Variants in KCNIP4 observed in about 807,000 individuals in gnomAD.
KCNIP4 encodes potassium voltage-gated channel interacting protein 4.
KCNIP4 carries 12 observed loss-of-function variants against 34.0 expected under a neutral mutation model. That is an observed-to-expected ratio of 0.35 (90% CI 0.23 to 0.57). The LOEUF (loss-of-function observed/expected upper bound fraction) is 0.57. KCNIP4 is among the 20% of genes least tolerant of loss of function. The pLI is 0.83. For missense variants in KCNIP4, 238 were observed against 311.7 expected, an observed-to-expected ratio of 0.76 and a Z score of 1.78; for synonymous variants, 124 against 102.2, an observed-to-expected ratio of 1.21 and a Z score of -1.29.
intron 1 of KCNIP4, among the ~76,000 whole-genome samples, chr4:21,539,633 T>C (rs1344129650): frequency 2.0e-5 from 3 of 152,068 alleles, no homozygotes; most frequent in African/African-American, 7.2e-5. Context: ...ATTTACTGAG[T>C]TCCCCTTCCA....
chr4:21,381,355 G>C (rs1721486741), intron 1 of KCNIP4, among the ~76,000 whole-genome samples: 2 of 152,152 alleles, frequency 1.3e-5, no homozygotes, highest in Admixed American at 6.6e-5. Context: ...TAGTAGATTT[G>C]TAATGATTAG....
At chr4:21,236,270 T>C (rs1182402648) in intron 1 of KCNIP4, among the ~76,000 whole-genome samples, 1 of 152,182 alleles carries the variant, frequency 6.6e-6, no homozygotes, top group East Asian at 1.9e-4. Context: ...TAGGCATATA[T>C]AAATAATATA....
At chr4:21,298,803 T>C (rs527369428) in intron 1 of KCNIP4, among the ~76,000 whole-genome samples, 1 of 152,288 alleles carries the variant, frequency 6.6e-6, no homozygotes, top group South Asian at 2.1e-4. Flanking sequence ...TGTTAAATAA[T>C]GTAAGTGATT....
At chr4:21,216,778 A>G (rs1217508251) in intron 1 of KCNIP4, among the ~76,000 whole-genome samples, 1 of 152,116 alleles carries the variant, frequency 6.6e-6, no homozygotes. Context: ...ACTGTCCTAA[A>G]CCCTGAATAA....
chr4:20,914,408 G>A (rs547849403), intron 1 of KCNIP4, among the ~76,000 whole-genome samples: 1 of 152,186 alleles, frequency 6.6e-6, no homozygotes, highest in African/African-American at 2.4e-5. Flanking sequence ...ACCCCGGAGA[G>A]CTCCCGCATC....
intron 1 of KCNIP4, among the ~76,000 whole-genome samples, chr4:21,130,303 T>C (rs1750964194): frequency 6.6e-6 from 1 of 152,214 alleles, no homozygotes; most frequent in African/African-American, 2.4e-5. Flanking sequence ...ATGATTCTAA[T>C]GCATAGCTGT....
chr4:21,108,272 C>G (rs1461452308), intron 1 of KCNIP4, among the ~76,000 whole-genome samples: 1 of 139,488 alleles, frequency 7.2e-6, no homozygotes, highest in Non-Finnish European at 1.5e-5. Flanking sequence ...TCACGTAGTC[C>G]CATATTTCTT....
At chr4:21,824,309 C>A (rs932902098) in intron 1 of KCNIP4, among the ~76,000 whole-genome samples, 3 of 152,126 alleles carry the variant, frequency 2.0e-5, no homozygotes, top group Non-Finnish European at 2.9e-5. Flanking sequence ...GTAAGACTAA[C>A]AAATTAGCCA....
At chr4:21,431,955 T>A (rs1354325216) in intron 1 of KCNIP4, among the ~76,000 whole-genome samples, 2 of 150,508 alleles carry the variant, frequency 1.3e-5, no homozygotes, top group East Asian at 3.9e-4. Context: ...AAATAATATT[T>A]CTCTAGTTAC....
chr4:20,970,486 T>G (rs968541631), intron 1 of KCNIP4, among the ~76,000 whole-genome samples: 2 of 152,202 alleles, frequency 1.3e-5, no homozygotes, highest in Admixed American at 6.5e-5. Flanking sequence ...ATACCTCAAC[T>G]CTATGGTTCT....
At chr4:21,320,161 A>G (rs1455969903) in intron 1 of KCNIP4, among the ~76,000 whole-genome samples, 1 of 152,254 alleles carries the variant, frequency 6.6e-6, no homozygotes, top group Non-Finnish European at 1.5e-5. Flanking sequence ...CCAGTACTTC[A>G]TTACAGACAC....
At chr4:21,633,448 TC>T (rs1276813941) in intron 1 of KCNIP4, among the ~76,000 whole-genome samples, 1 of 152,190 alleles carries the variant, frequency 6.6e-6, no homozygotes, top group African/African-American at 2.4e-5. Flanking sequence ...GGTACTCCTT[TC>T]CTTTTTCTAG....
At chr4:21,363,802 T>C (rs1417182619) in intron 1 of KCNIP4, among the ~76,000 whole-genome samples, 1 of 152,140 alleles carries the variant, frequency 6.6e-6, no homozygotes, top group African/African-American at 2.4e-5. Context: ...AGAACATACT[T>C]AGGAGTTCTC....
intron 1 of KCNIP4, among the ~76,000 whole-genome samples, chr4:20,973,331 C>G (rs1735158142): frequency 1.3e-5 from 2 of 152,210 alleles, no homozygotes; most frequent in Non-Finnish European, 2.9e-5. Flanking sequence ...GAGCCAAACT[C>G]TGCTAGCTTC....
intron 1 of KCNIP4, among the ~76,000 whole-genome samples, chr4:21,947,882 C>T (rs925782351): frequency 6.6e-6 from 1 of 152,244 alleles, no homozygotes; most frequent in African/African-American, 2.4e-5. Context: ...CTCTATGGAT[C>T]CCACCAAACA....
chr4:21,584,219 GTCTTTT>G (rs1741447112), intron 1 of KCNIP4, among the ~76,000 whole-genome samples: 1 of 152,006 alleles, frequency 6.6e-6, no homozygotes, highest in Non-Finnish European at 1.5e-5. Flanking sequence ...TTAAATGAGT[GTCTTTT>G]TCTTCCTAGG....
At chr4:20,900,543 T>C (rs182361040) in intron 1 of KCNIP4, among the ~76,000 whole-genome samples, 322 of 152,318 alleles carry the variant, frequency 2.1e-3, no homozygotes, top group Non-Finnish European at 3.8e-3. Context: ...AAATCATGAC[T>C]TTTTCAAGAT....
chr4:21,786,263 T>C (rs1449986885), intron 1 of KCNIP4, among the ~76,000 whole-genome samples: 1 of 151,926 alleles, frequency 6.6e-6, no homozygotes, highest in African/African-American at 2.4e-5. Flanking sequence ...CTCTTAAATA[T>C]ATACCTAGAA....
chr4:20,847,500 C>A (rs7682091), intron 3 of KCNIP4, among the ~76,000 whole-genome samples: 58,877 of 151,810 alleles, frequency 0.39, 11,902 homozygotes, highest in Non-Finnish European at 0.46. Context: ...TCTGAGGCTC[C>A]TTATAGGTGG....
Sources: gnomAD v4.1 joint callset for allele counts (sites outside exome capture counted in the v4.1 genomes callset) on GRCh38, gnomAD v4.1.1 for gene constraint, MANE v1.5 for transcripts, NCBI Gene and HGNC (gene_info 2026-07-23, HGNC 2026-07-21) for gene names.